The following RMDN2 variants were observed in gnomAD, a reference collection of about 807,000 sequenced individuals.
RMDN2 encodes regulator of microtubule dynamics protein 2.
In RMDN2, 61 loss-of-function variants were observed where a neutral mutation model predicts 52.8. That is an observed-to-expected ratio of 1.16 (90% confidence interval 0.94 to 1.43). RMDN2 has a LOEUF of 1.43. RMDN2 is among the 40% of genes most tolerant of loss of function. The probability of loss-of-function intolerance (pLI) is 0.00; values close to 1 mark genes in which losing one functional copy is unlikely to be tolerated. For missense variants in RMDN2, 592 were observed against 475.3 expected (o/e 1.25, Z -2.28); for synonymous variants, 180 against 153.1 (o/e 1.18, Z -1.30).
chr2:38,057,722 C>A (rs913146624), intron 10 of RMDN2, among the ~76,000 whole-genome samples: 5 of 152,152 alleles, frequency 3.3e-5, no homozygotes, highest in Non-Finnish European at 5.9e-5. Flanking sequence ...TCAGTACCAT[C>A]CCCCTTGGTA....
downstream of RMDN2, among the ~76,000 whole-genome samples, chr2:38,018,898 G>A (rs750167530): frequency 1.3e-5 from 2 of 151,972 alleles, no homozygotes; most frequent in South Asian, 2.1e-4. Flanking sequence ...ACGCACACAC[G>A]CACACACACA....
intron 6 of RMDN2, 146 bp downstream of exon 6, chr2:37,989,762 G>T: frequency 1.9e-6 from 1 of 526,448 alleles, no homozygotes; most frequent in Non-Finnish European, 3.3e-6. Flanking sequence ...CTGGGAATTT[G>T]CTTTTTTGTT....
chr2:37,924,915 G>C (rs1267215042), upstream of RMDN2, among the ~76,000 whole-genome samples: 4 of 152,244 alleles, frequency 2.6e-5, no homozygotes, highest in African/African-American at 9.6e-5. Context: ...GTCGTGAGGA[G>C]TAAAGTGCAA....
chr2:37,974,537 G>A (rs764011750), intron 3 of RMDN2, among the ~76,000 whole-genome samples: 1 of 149,456 alleles, frequency 6.7e-6, no homozygotes, highest in Admixed American at 6.6e-5. Flanking sequence ...GACAGATATG[G>A]GTATTCAAAG....
intron 10 of RMDN2, among the ~76,000 whole-genome samples, chr2:38,051,911 C>T (rs1191270705): frequency 3.3e-5 from 5 of 151,922 alleles, no homozygotes; most frequent in African/African-American, 1.2e-4. Flanking sequence ...TTTTTAAATC[C>T]ATTCGTCTGT....
At chr2:38,011,226 G>A (rs1466168302) in intron 10 of RMDN2, among the ~76,000 whole-genome samples, 3 of 152,126 alleles carry the variant, frequency 2.0e-5, no homozygotes, top group Non-Finnish European at 4.4e-5. Context: ...ACATGTTCTT[G>A]GTTTTTGGAC....
At chr2:38,061,697 C>T (rs975937693) in intron 10 of RMDN2, among the ~76,000 whole-genome samples, 7 of 151,562 alleles carry the variant, frequency 4.6e-5, no homozygotes, top group Non-Finnish European at 1.0e-4. Context: ...CTTATTTTCT[C>T]TCCTGCCACC....
intron 2 of RMDN2, among the ~76,000 whole-genome samples, chr2:37,932,269 G>C (rs554510941): frequency 8.3e-4 from 125 of 150,516 alleles, no homozygotes; most frequent in African/African-American, 1.6e-3. Flanking sequence ...TGACTCTTAA[G>C]GAGCATGCTG....
At chr2:38,013,092 T>C (rs548606563) in intron 10 of RMDN2, among the ~76,000 whole-genome samples, 3 of 152,354 alleles carry the variant, frequency 2.0e-5, no homozygotes, top group East Asian at 3.9e-4. Flanking sequence ...ATGTGGACTT[T>C]TCTTGACCCT....
At chr2:37,987,808 C>G (rs1674232191) in intron 5 of RMDN2, among the ~76,000 whole-genome samples, 1 of 152,100 alleles carries the variant, frequency 6.6e-6, no homozygotes, top group Non-Finnish European at 1.5e-5. Flanking sequence ...CCTGTAATCC[C>G]AGCGCTTTGG....
intron 10 of RMDN2, chr2:38,066,958 C>G (rs201910901): frequency 6.0e-5 from 96 of 1,613,392 alleles, no homozygotes; most frequent in Non-Finnish European, 7.5e-5. Flanking sequence ...ATTTTTACTT[C>G]TTTTCCTGTT....
rs534757406 is a variant in RMDN2 at position 37,943,345 on chromosome 2, A to G, written c.452+13616A>G. 3.0e-3 allele frequency among the ~76,000 whole-genome samples: 450 copies of G among 152,346 alleles called. 2 individuals are homozygous for G. The highest frequency in any genetic ancestry group is 0.022 in the South Asian group (104 of 4,832). On this transcript the variant is annotated intron_variant, in intron 2 of 10. Transcript: ENST00000354545. Reference sequence around the variant, plus strand: ...AGAGGACCAAGGTGTCACAGAAACCAAGAGAGGACAAGATTTCCAGAATAG... The same window carrying G: ...AGAGGACCAAGGTGTCACAGAAACCGAGAGAGGACAAGATTTCCAGAATAG...
chr2:37,974,905 C>T (rs2125072718), intron 3 of RMDN2: 2 of 269,216 alleles, frequency 7.4e-6, no homozygotes, highest in East Asian at 1.1e-4. Context: ...GAAAAGGATG[C>T]CACAGCTCAG....
In RMDN2 at chr2:37,973,888, T is replaced by A. The variant is rs190516263; in HGVS notation, c.453-152T>A. On this transcript the variant is annotated intron_variant, in intron 2 of 10. Coordinates refer to ENST00000354545, the MANE Select transcript of RMDN2 (RefSeq NM_001170791.3). ...AATTGCGCAGGGACTTGTAGACTTC[T>A]GTTAGGACTGGAGCTTTTTCTGAGT... is the stretch of plus-strand genomic sequence containing the variant. 1.9e-3 allele frequency: 1,134 copies of A among 605,510 alleles called. 8 individuals are homozygous for A. The highest frequency in any genetic ancestry group is 0.012 in the Middle Eastern group (31 of 2,494). The allele number at this position is 605,510 out of a possible 1,614,324, so 37.5% of individuals were successfully genotyped here.
chr2:37,977,432 C>A (rs941177478), intron 4 of RMDN2, among the ~76,000 whole-genome samples: 12 of 150,772 alleles, frequency 8.0e-5, no homozygotes, highest in Non-Finnish European at 1.2e-4. Flanking sequence ...AGAGGCGCCC[C>A]CACCTCCCAG....
intron 2 of RMDN2, among the ~76,000 whole-genome samples, chr2:37,964,779 TG>T (rs1197572676): frequency 1.3e-5 from 2 of 152,198 alleles, no homozygotes; most frequent in East Asian, 3.8e-4. Context: ...TTATTAAAAT[TG>T]GGTCATTGAA....
chr2:38,007,831 T>C (rs539568290), intron 10 of RMDN2, among the ~76,000 whole-genome samples: 1 of 152,356 alleles, frequency 6.6e-6, no homozygotes, highest in South Asian at 2.1e-4. Context: ...CTGCTTTCTC[T>C]GGTGGGCATT....
chr2:37,928,518 T>C (rs1012636120), intron 1 of RMDN2, among the ~76,000 whole-genome samples: 2 of 152,248 alleles, frequency 1.3e-5, no homozygotes, highest in African/African-American at 4.8e-5. Flanking sequence ...CACTCCCAGC[T>C]ATTTACTTTG....
At chr2:37,993,900 C>G (rs891452901) in intron 7 of RMDN2, among the ~76,000 whole-genome samples, 2 of 152,152 alleles carry the variant, frequency 1.3e-5, no homozygotes, top group African/African-American at 2.4e-5. Flanking sequence ...AAGCCGTTTA[C>G]CCAACCTCAC....
Sources: allele counts gnomAD v4.1 joint callset (sites outside exome capture counted in the v4.1 genomes callset), GRCh38; gene constraint gnomAD v4.1.1; transcripts MANE v1.5; gene names NCBI Gene and HGNC (gene_info 2026-07-23, HGNC 2026-07-21).